ATP11C: variants seen among roughly 807,000 people sequenced by gnomAD.
The protein encoded by ATP11C is ATPase phospholipid transporting 11C (ATP11C blood group).
ATP11C carries 36 observed loss-of-function variants against 97.4 expected under a neutral mutation model. That is an observed-to-expected ratio of 0.37 (90% CI 0.28 to 0.49). The LOEUF is 0.49. Ranked by LOEUF, ATP11C falls within the 20% of genes least tolerant of loss-of-function variation. The pLI is 0.98. For missense variants in ATP11C, 730 were observed against 824.6 expected, an observed-to-expected ratio of 0.89 and a Z score of 1.40; for synonymous variants, 275 against 290.9, an observed-to-expected ratio of 0.95 and a Z score of 0.56.
At chrX:139,904,364 C>T (rs1166254076) in intron 1 of ATP11C, among the ~76,000 whole-genome samples, 1 of 109,771 alleles carries the variant, frequency 9.1e-6, no homozygotes, top group Non-Finnish European at 1.9e-5. Flanking sequence ...CCCATCTCTA[C>T]CAAAAATACA....
intron 1 of ATP11C, among the ~76,000 whole-genome samples, chrX:139,851,688 GCTGC>G (rs1177241097): frequency 8.9e-6 from 1 of 111,953 alleles, no homozygotes; most frequent in Non-Finnish European, 1.9e-5. Flanking sequence ...TAGGAGCAAG[GCTGC>G]CTGAGGCCTT....
intron 4 of ATP11C, among the ~76,000 whole-genome samples, chrX:139,816,070 T>C (rs1370427124): frequency 8.9e-6 from 1 of 111,928 alleles, no homozygotes; most frequent in East Asian, 2.8e-4. Flanking sequence ...GAACACTTGA[T>C]AAAATATTCT....
chrX:139,860,021 C>T (rs1231749012), intron 1 of ATP11C, among the ~76,000 whole-genome samples: 1 of 76,923 alleles, frequency 1.3e-5, no homozygotes, highest in South Asian at 5.1e-4. Flanking sequence ...AGAAGAATGG[C>T]GTGAACCCGG....
At chrX:139,753,792 G>C (rs894591647) in intron 23 of ATP11C, among the ~76,000 whole-genome samples, 3 of 110,312 alleles carry the variant, frequency 2.7e-5, no homozygotes, top group Non-Finnish European at 3.8e-5. Context: ...CTGGGTGACA[G>C]AGCAAGAGAA....
rs774911249 is a variant in ATP11C at position 139,887,520 on chromosome X, C to T, written c.27+44496G>A. On this transcript the variant is annotated intron_variant, in intron 1 of 29. Coordinates refer to ENST00000682941, the MANE Select transcript of ATP11C (RefSeq NM_001353812.2). ...GTGCACACCTATAGTACCAGCTACT[C>T]GGGAGGCTGAGGTAGGAGGATTGCT... Among the ~76,000 whole-genome samples the T allele has an allele frequency of 3.1e-4, 34 of 110,861 alleles. No homozygotes were observed. The South Asian group carries it at 0.011, about 36-fold the overall frequency.
chrX:139,905,011 G>C (rs1421266655), intron 1 of ATP11C, among the ~76,000 whole-genome samples: 2 of 112,266 alleles, frequency 1.8e-5, no homozygotes, highest in African/African-American at 6.5e-5. Context: ...GATGGAATAA[G>C]AGTAGCAAGA....
chrX:139,795,497 A>T (rs1224449616), intron 12 of ATP11C, among the ~76,000 whole-genome samples: 1 of 111,822 alleles, frequency 8.9e-6, no homozygotes, highest in Non-Finnish European at 1.9e-5. Flanking sequence ...CAAAAATGAC[A>T]TTTCCACAGT....
intron 1 of ATP11C, among the ~76,000 whole-genome samples, chrX:139,927,054 T>C (rs2085361665): frequency 8.9e-6 from 1 of 112,093 alleles, no homozygotes; most frequent in South Asian, 3.7e-4. Context: ...AAATGACAAG[T>C]ATGTAATAGT....
intron 1 of ATP11C, among the ~76,000 whole-genome samples, chrX:139,845,002 A>C (rs751050362): frequency 8.9e-6 from 1 of 112,295 alleles, no homozygotes; most frequent in South Asian, 3.7e-4. Flanking sequence ...AGAATGACAG[A>C]TGATTAAGTG....
chrX:139,797,005 TTTTC>T lies in ATP11C; in HGVS notation c.1008+167_1008+170del, dbSNP rs1261946082. 2.0e-4 allele frequency among the ~76,000 whole-genome samples: 22 copies of T among 111,594 alleles called. 1 individual carries two copies. Among genetic ancestry groups the T allele is most frequent in the South Asian group, 1.9e-3 (5 of 2,634 alleles). Reference sequence around the variant, plus strand: ...TTTACAAAAAAAACTTTGTTTTTCTTTTTCTTTCTTTTACAATAAATCTTCTTAA... The same window carrying T: ...TTTACAAAAAAAACTTTGTTTTTCTTTTTCTTTTACAATAAATCTTCTTAA... On this transcript the variant is annotated intron_variant, in intron 11 of 29. Transcript: ENST00000682941.
In ATP11C at chrX:139,785,318, A is replaced by C. The variant is rs1317212669; in HGVS notation, c.1593-19T>G. The C allele has an allele frequency of 8.8e-7, 1 of 1,139,473 alleles. No individual in the cohort carries two copies. Among genetic ancestry groups the C allele is most frequent in the Non-Finnish European group, 1.2e-6 (1 of 836,203 alleles). 93.9% of individuals were successfully genotyped at this position (1,139,473 alleles called of 1,213,427 possible). ...TTCATATCTTTAAGAGAAATGAGCA[A>C]AGTAAAAAACCTAGAATATACTGAG... is the stretch of plus-strand genomic sequence containing the variant. On this transcript the variant is annotated intron_variant, in intron 15 of 29. Coordinates refer to ENST00000682941, the MANE Select transcript of ATP11C (RefSeq NM_001353812.2).
At chrX:139,747,582 T>C (rs1237590802) in intron 24 of ATP11C, among the ~76,000 whole-genome samples, 1 of 111,829 alleles carries the variant, frequency 8.9e-6, no homozygotes, top group Admixed American at 9.5e-5. Flanking sequence ...ACCTGTTCCC[T>C]CTATAGAAAA....
In ATP11C at chrX:139,888,873, A is replaced by G. The variant is rs147975253; in HGVS notation, c.27+43143T>C. 5.9e-3 allele frequency among the ~76,000 whole-genome samples: 652 copies of G among 110,203 alleles called. 2 individuals carry two copies. Among genetic ancestry groups the G allele is most frequent in the African/African-American group, 0.02 (595 of 30,278 alleles). On this transcript the variant is annotated intron_variant, in intron 1 of 29. Coordinates refer to ENST00000682941, the MANE Select transcript of ATP11C (RefSeq NM_001353812.2). ...GCCCAGGCTGGAGTGCAGTGGCACA[A>G]TCTCAGCACACTGCAACCTCCGCCT...
chrX:139,803,685 C>CTTTTTTTTTTTTTT (rs140315105), intron 6 of ATP11C, among the ~76,000 whole-genome samples: 2 of 38,265 alleles, frequency 5.2e-5, no homozygotes, highest in African/African-American at 2.1e-4. Flanking sequence ...TACACCCTAT[C>CTTTTTTTTTTTTTT]TTTTTTTTTT....
chrX:139,887,183 T>C (rs185227230), intron 1 of ATP11C, among the ~76,000 whole-genome samples: 35 of 112,297 alleles, frequency 3.1e-4, no homozygotes, highest in Non-Finnish European at 5.3e-4. Context: ...ACCTGTATCT[T>C]GCACTATACA....
chrX:139,875,278 A>G (rs751103917), intron 1 of ATP11C, among the ~76,000 whole-genome samples: 2 of 109,875 alleles, frequency 1.8e-5, no homozygotes, highest in East Asian at 5.7e-4. Context: ...CAGGATATCA[A>G]CCTAGGTTTC....
chrX:139,875,723 T>C (rs73581726), intron 1 of ATP11C, among the ~76,000 whole-genome samples: 6,578 of 112,254 alleles, frequency 0.059, 448 homozygotes, highest in African/African-American at 0.2. Context: ...TATTGAGTGC[T>C]TTCTATATTC....
At chrX:139,888,373 T>A (rs2084679091) in intron 1 of ATP11C, among the ~76,000 whole-genome samples, 1 of 110,506 alleles carries the variant, frequency 9.0e-6, no homozygotes, top group Non-Finnish European at 1.9e-5. Flanking sequence ...CCTCAAGTAA[T>A]CTGCCCACCT....
intron 1 of ATP11C, among the ~76,000 whole-genome samples, chrX:139,833,234 A>G (rs148368867): frequency 8.9e-6 from 1 of 112,419 alleles, no homozygotes; most frequent in East Asian, 2.8e-4. Context: ...CCATACAAAA[A>G]GCAAACTGGC....
Sources: allele counts gnomAD v4.1 joint callset (sites outside exome capture counted in the v4.1 genomes callset), GRCh38; gene constraint gnomAD v4.1.1; transcripts MANE v1.5; gene names NCBI Gene and HGNC (gene_info 2026-07-23, HGNC 2026-07-21).